Variants in TUSC3 observed in about 807,000 individuals in gnomAD.
TUSC3 encodes dolichyl-diphosphooligosaccharide--protein glycosyltransferase subunit TUSC3.
TUSC3 carries 45 observed loss-of-function variants against 44.8 expected under a neutral mutation model. That is an observed-to-expected ratio of 1.00 (90% CI 0.79 to 1.29). The LOEUF (loss-of-function observed/expected upper bound fraction) is 1.29, where lower values mean the gene tolerates loss of function less well. TUSC3 is among the 50% of genes most tolerant of loss of function. The pLI is 0.00. For synonymous variants in TUSC3, 212 were observed against 152.9 expected (o/e 1.39, Z -2.85); for missense variants, 519 against 437.9 (o/e 1.19, Z -1.65).
At chr8:15,725,828 T>C (rs550448594) in intron 6 of TUSC3, among the ~76,000 whole-genome samples, 16 of 152,298 alleles carry the variant, frequency 1.1e-4, no homozygotes, top group Middle Eastern at 3.4e-3. Flanking sequence ...ATCGATTTTA[T>C]AAAGTACTGC....
At chr8:15,574,485 C>T (rs891218) in intron 1 of TUSC3, among the ~76,000 whole-genome samples, 44,814 of 151,898 alleles carry the variant, frequency 0.3, 6,989 homozygotes, top group Non-Finnish European at 0.34. Context: ...TGCTTAGGCC[C>T]TTTCCTGTAA....
chr8:15,444,232 C>A (rs1055320418), intron 1 of TUSC3, among the ~76,000 whole-genome samples: 3 of 152,146 alleles, frequency 2.0e-5, no homozygotes, highest in African/African-American at 4.8e-5. Context: ...GTAAGACGAG[C>A]CTTCATGCTG....
the TUSC3 span, among the ~76,000 whole-genome samples, chr8:15,786,814 G>A: frequency 1.3e-5 from 2 of 151,556 alleles, no homozygotes; most frequent in Admixed American, 1.3e-4. Flanking sequence ...TGTGGTGGTG[G>A]GCGCCTGTAA....
chr8:15,740,805 A>C (rs1476521253), intron 7 of TUSC3, among the ~76,000 whole-genome samples: 1 of 152,198 alleles, frequency 6.6e-6, no homozygotes, highest in African/African-American at 2.4e-5. Context: ...AAAATATTGC[A>C]CATGTACACT....
intron 1 of TUSC3, among the ~76,000 whole-genome samples, chr8:15,471,125 A>G (rs573323123): frequency 2.1e-5 from 2 of 94,286 alleles, no homozygotes; most frequent in Non-Finnish European, 4.2e-5. Context: ...AGGTGCAAAC[A>G]TTTCTTTGAT....
intron 1 of TUSC3, among the ~76,000 whole-genome samples, chr8:15,595,194 C>A (rs560530340): frequency 2.0e-5 from 3 of 152,138 alleles, no homozygotes; most frequent in Non-Finnish European, 4.4e-5. Context: ...CTGTAGTTCT[C>A]ATTATACTTT....
chr8:15,658,722 A>C (rs1339750711), intron 3 of TUSC3, among the ~76,000 whole-genome samples: 6 of 151,638 alleles, frequency 4.0e-5, no homozygotes, highest in Non-Finnish European at 8.8e-5. Context: ...CATATATACA[A>C]ATATATATAT....
the TUSC3 span, among the ~76,000 whole-genome samples, chr8:15,804,557 A>C: frequency 6.6e-6 from 1 of 152,154 alleles, no homozygotes; most frequent in Admixed American, 6.5e-5. Context: ...CAGCTATTCC[A>C]ACACCATTTA....
chr8:15,532,273 A>G (rs1451605045), intron 2 of TUSC3, among the ~76,000 whole-genome samples: 2 of 152,222 alleles, frequency 1.3e-5, no homozygotes, highest in Admixed American at 1.3e-4. Context: ...CTTGATATAC[A>G]TGAACACTGG....
downstream of TUSC3, among the ~76,000 whole-genome samples, chr8:15,769,695 A>G (rs1812408050): frequency 1.3e-5 from 2 of 152,204 alleles, no homozygotes; most frequent in South Asian, 2.1e-4. Flanking sequence ...CAAAGGGCTA[A>G]TAATCCAGAA....
chr8:15,786,276 C>G, the TUSC3 span, among the ~76,000 whole-genome samples: 1 of 152,148 alleles, frequency 6.6e-6, no homozygotes, highest in African/African-American at 2.4e-5. Flanking sequence ...CTGACACTAT[C>G]TCAATGAAGT....
At chr8:15,528,717 T>G (rs1452210797) in intron 2 of TUSC3, among the ~76,000 whole-genome samples, 1 of 152,220 alleles carries the variant, frequency 6.6e-6, no homozygotes, top group Non-Finnish European at 1.5e-5. Flanking sequence ...TCTTGGATTC[T>G]TTCTTTAATT....
At chr8:15,810,039 CT>C in the TUSC3 span, among the ~76,000 whole-genome samples, 2 of 152,268 alleles carry the variant, frequency 1.3e-5, no homozygotes, top group Non-Finnish European at 2.9e-5. Flanking sequence ...TGGATAATGT[CT>C]GTGCTGCTGG....
the TUSC3 span, chr8:15,806,804 T>A: frequency 1.2e-6 from 1 of 851,496 alleles, no homozygotes; most frequent in African/African-American, 1.7e-5. Flanking sequence ...ATTTGCAATT[T>A]GTGAAGAAAT....
In TUSC3 at chr8:15,666,532, G is replaced by A. The variant is rs149611959; in HGVS notation, c.708+4236G>A. 2.7e-3 allele frequency among the ~76,000 whole-genome samples: 402 copies of A among 151,558 alleles called. 2 individuals carry two copies. Among genetic ancestry groups the A allele is most frequent in the African/African-American group, 9.3e-3 (387 of 41,470 alleles). ...ACATTCATGAAAGGTACTTTGGCATGTACACATTGTGATTTATCAGTAGAA... is the reference window on the plus strand; with the variant it reads ...ACATTCATGAAAGGTACTTTGGCATATACACATTGTGATTTATCAGTAGAA... On this transcript the variant is annotated intron_variant, in intron 5 of 10. Coordinates refer to ENST00000503731, the MANE Select transcript of TUSC3 (RefSeq NM_006765.4).
chr8:15,420,462 C>T (rs1320284902), intron 1 of TUSC3, among the ~76,000 whole-genome samples: 1 of 151,864 alleles, frequency 6.6e-6, no homozygotes, highest in Non-Finnish European at 1.5e-5. Context: ...CATGCCACTG[C>T]ACTCCAGCCT....
At chr8:15,660,070 G>T (rs954305112) in intron 4 of TUSC3, among the ~76,000 whole-genome samples, 1 of 152,046 alleles carries the variant, frequency 6.6e-6, no homozygotes, top group Non-Finnish European at 1.5e-5. Context: ...CTATAAATTG[G>T]TGTAACCATA....
At chr8:15,743,017 TATA>T (rs1008769589) in intron 7 of TUSC3, among the ~76,000 whole-genome samples, 3 of 152,218 alleles carry the variant, frequency 2.0e-5, no homozygotes, top group Non-Finnish European at 4.4e-5. Flanking sequence ...ATTGTTTTAT[TATA>T]ATATGCTTGT....
At chr8:15,824,654 T>C in the TUSC3 span, among the ~76,000 whole-genome samples, 1 of 152,150 alleles carries the variant, frequency 6.6e-6, no homozygotes, top group Admixed American at 6.5e-5. Flanking sequence ...ATATACCTAA[T>C]GTTAAATGAC....
Sources: gnomAD v4.1 joint callset for allele counts (sites outside exome capture counted in the v4.1 genomes callset) on GRCh38, gnomAD v4.1.1 for gene constraint, MANE v1.5 for transcripts, NCBI Gene and HGNC (gene_info 2026-07-23, HGNC 2026-07-21) for gene names.